The following FBXO25 variants were observed in gnomAD, a reference collection of about 807,000 sequenced individuals.
The protein encoded by FBXO25 is F-box only protein 25.
A neutral mutation model predicts 51.9 loss-of-function variants in FBXO25; 45 were observed. The ratio of observed to expected loss-of-function variants is 0.87; its 90% CI spans 0.68 to 1.11. The LOEUF (loss-of-function observed/expected upper bound fraction) is 1.11. FBXO25 is among the 50% of genes most tolerant of loss of function. The pLI is 0.00. For synonymous variants in FBXO25, 199 were observed against 151.0 expected, an observed-to-expected ratio of 1.32 and a Z score of -2.33; for missense variants, 507 against 428.5, an observed-to-expected ratio of 1.18 and a Z score of -1.62.
intron 5 of FBXO25, among the ~76,000 whole-genome samples, chr8:440,800 A>G (rs1268496742): frequency 7.3e-6 from 1 of 137,666 alleles, no homozygotes; most frequent in Non-Finnish European, 1.5e-5. Context: ...ATGTGTTCTC[A>G]TTGTTCAGCT....
rs1340747669 is a variant in FBXO25 at position 476,244 on chromosome 8, A to G, written c.*7440A>G. ...TTGGCCATGATGTGTAATCCTTTCA[A>G]TGTCCCACTGAATCCTGTTGGCCAG... is the stretch of plus-strand genomic sequence containing the variant. On this transcript the variant is annotated 3_prime_UTR_variant, in exon 10 of 10. Coordinates refer to ENST00000350302, the MANE Select transcript of FBXO25 (RefSeq NM_183420.2). The G allele has an allele frequency of 1.3e-5, 2 of 152,138 alleles. No homozygotes were observed. Among genetic ancestry groups the G allele is most frequent in the African/African-American group, 2.4e-5 (1 of 41,428 alleles). 9.4% of individuals were successfully genotyped at this position (152,138 alleles called of 1,614,324 possible).
At chr8:466,766 T>A (rs901829178) in intron 9 of FBXO25, among the ~76,000 whole-genome samples, 1 of 152,156 alleles carries the variant, frequency 6.6e-6, no homozygotes, top group Non-Finnish European at 1.5e-5. Flanking sequence ...TTTTTAACTT[T>A]TCTACCTGCC....
intron 2 of FBXO25, among the ~76,000 whole-genome samples, chr8:424,884 T>C (rs1002943320): frequency 6.6e-6 from 1 of 152,196 alleles, no homozygotes; most frequent in Non-Finnish European, 1.5e-5. Flanking sequence ...GATAGTTTCT[T>C]GTTGTTCTTA....
intron 9 of FBXO25, among the ~76,000 whole-genome samples, chr8:466,187 C>G (rs528632104): frequency 1.3e-5 from 2 of 152,358 alleles, no homozygotes; most frequent in Non-Finnish European, 2.9e-5. Context: ...TTTAACCCCT[C>G]AAGATGTCAG....
chr8:443,551 A>T (rs1324108300), intron 5 of FBXO25, among the ~76,000 whole-genome samples: 1 of 151,296 alleles, frequency 6.6e-6, no homozygotes, highest in South Asian at 2.1e-4. Context: ...AAAAGGGACA[A>T]CCCCAAAAAT....
chr8:410,390 T>G (rs973028947), intron 1 of FBXO25, among the ~76,000 whole-genome samples: 1 of 152,192 alleles, frequency 6.6e-6, no homozygotes, highest in African/African-American at 2.4e-5. Context: ...TAATCCTGTA[T>G]TTGGTCTGTT....
At chr8:449,946 TTAAA>T (rs1405533279) in intron 5 of FBXO25, 40 bp from the exon 6 acceptor site, 2 of 1,328,632 alleles carry the variant, frequency 1.5e-6, no homozygotes, top group Admixed American at 3.9e-5. Flanking sequence ...TAATTCCATA[TTAAA>T]TATATATATC....
chr8:424,440 G>T (rs868619265), intron 2 of FBXO25, among the ~76,000 whole-genome samples: 1 of 152,028 alleles, frequency 6.6e-6, no homozygotes. Flanking sequence ...TCTTTGCCAA[G>T]GCCAACGTCA....
chr8:421,523 C>G (rs1429555940), intron 2 of FBXO25, among the ~76,000 whole-genome samples: 1 of 152,158 alleles, frequency 6.6e-6, no homozygotes, highest in South Asian at 2.1e-4. Context: ...GAAGAAGTTA[C>G]AAATAAGAAA....
At chr8:418,151 G>T (rs536439477) in intron 2 of FBXO25, among the ~76,000 whole-genome samples, 206 of 152,168 alleles carry the variant, frequency 1.4e-3, no homozygotes, top group Non-Finnish European at 1.1e-3. Context: ...GGCTGCATGT[G>T]TGTCTTCATG....
rs1265544115 is a variant in FBXO25 at position 476,287 on chromosome 8, A to AT, written c.*7486dup. Reference sequence around the variant, plus strand: ...TTGGCCAGTATTTTGTTGAATATTGATTTAAAAAAATCTTGATCAGGAATA... The same window carrying AT: ...TTGGCCAGTATTTTGTTGAATATTGATTTTAAAAAAATCTTGATCAGGAATA... On this transcript the variant is annotated 3_prime_UTR_variant, in exon 10 of 10. Coordinates refer to ENST00000350302, the MANE Select transcript of FBXO25 (RefSeq NM_183420.2). The AT allele has an allele frequency of 1.3e-5, 2 of 152,094 alleles. No individual in the cohort carries two copies. The highest frequency in any genetic ancestry group is 2.9e-5 in the Non-Finnish European group (2 of 68,002). The allele number at this position is 152,094 out of a possible 1,614,324, so 9.4% of individuals were successfully genotyped here. A position where few individuals can be genotyped will look rare whatever the true frequency, so the allele number is the denominator to read the frequency against.
intron 2 of FBXO25, among the ~76,000 whole-genome samples, chr8:417,145 T>C (rs1170864894): frequency 6.6e-6 from 1 of 152,184 alleles, no homozygotes; most frequent in Non-Finnish European, 1.5e-5. Context: ...GCGGGGCCAG[T>C]AGGAGACAAG....
At chr8:455,609 T>C (rs1438285617) in intron 7 of FBXO25, among the ~76,000 whole-genome samples, 1 of 152,172 alleles carries the variant, frequency 6.6e-6, no homozygotes, top group Admixed American at 6.5e-5. Context: ...AGAATGATAA[T>C]AGCAACACAA....
intron 7 of FBXO25, among the ~76,000 whole-genome samples, chr8:452,022 A>G (rs1053159061): frequency 5.3e-5 from 8 of 152,232 alleles, no homozygotes. Flanking sequence ...TCTAGTACTC[A>G]TAAGAAAAAG....
chr8:408,390 CTG>C, intron 1 of FBXO25, among the ~76,000 whole-genome samples: 1 of 151,964 alleles, frequency 6.6e-6, no homozygotes, highest in Non-Finnish European at 1.5e-5. Context: ...TTTTCAGGAA[CTG>C]CTATTATAAA....
At chr8:429,760 G>C (rs1280178231) in intron 2 of FBXO25, among the ~76,000 whole-genome samples, 1 of 152,202 alleles carries the variant, frequency 6.6e-6, no homozygotes, top group Non-Finnish European at 1.5e-5. Context: ...GACTCCCCAA[G>C]GCCCTAATGC....
chr8:425,854 C>A (rs557294771), intron 2 of FBXO25, among the ~76,000 whole-genome samples: 71 of 149,226 alleles, frequency 4.8e-4, no homozygotes, highest in Non-Finnish European at 8.6e-4. Context: ...ATTTTATTTG[C>A]TTTTATCCTT....
Position 472,754 on chromosome 8 carries a change from A to T in FBXO25, c.*3950A>T, listed in dbSNP as rs1189424046. On this transcript the variant is annotated 3_prime_UTR_variant, in exon 10 of 10. Transcript: ENST00000350302. ...ATGCCTTTTAATGGTTTTTCTTTTC[A>T]TTGCGAAGGCCTAACTTAGTAGATA... The T allele has an allele frequency of 6.6e-6, 1 of 152,176 alleles. No homozygotes were observed. Among genetic ancestry groups the T allele is most frequent in the Non-Finnish European group, 1.5e-5 (1 of 68,030 alleles). 9.4% of individuals were successfully genotyped at this position (152,176 alleles called of 1,614,324 possible). A position where few individuals can be genotyped will look rare whatever the true frequency, so the allele number is the denominator to read the frequency against.
Position 468,712 on chromosome 8 carries a change from C to G in FBXO25, c.988-3C>G. On this transcript the variant is annotated splice_polypyrimidine_tract_variant and splice_region_variant and intron_variant, in intron 9 of 9. Transcript: ENST00000350302. ...CTCCTAACCATCTCCCACCTCCCCACAGGACTCAGGACACCCCTGCACGGC... is the reference window on the plus strand; with the variant it reads ...CTCCTAACCATCTCCCACCTCCCCAGAGGACTCAGGACACCCCTGCACGGC... 1 of 1,613,580 alleles carries G rather than the reference C, an allele frequency of 6.2e-7. No homozygotes were observed. Among genetic ancestry groups the G allele is most frequent in the Non-Finnish European group, 8.5e-7 (1 of 1,179,746 alleles).
Sources: gnomAD v4.1 joint callset for allele counts (sites outside exome capture counted in the v4.1 genomes callset) on GRCh38, gnomAD v4.1.1 for gene constraint, MANE v1.5 for transcripts, NCBI Gene and HGNC (gene_info 2026-07-23, HGNC 2026-07-21) for gene names.